Variants in SUGCT observed in about 807,000 individuals in gnomAD.
SUGCT encodes succinyl-CoA:glutarate-CoA transferase.
A neutral mutation model predicts 55.0 loss-of-function variants in SUGCT; 41 were observed. The observed-to-expected ratio is 0.74, with a 90% CI of 0.58 to 0.97. The LOEUF (loss-of-function observed/expected upper bound fraction) is 0.97. Ranked by LOEUF, SUGCT falls within the 50% of genes least tolerant of loss-of-function variation. The pLI, the probability that SUGCT is intolerant of heterozygous loss-of-function variation, is 0.00. For synonymous variants in SUGCT, 187 were observed against 200.4 expected, an observed-to-expected ratio of 0.93 and a Z score of 0.56; for missense variants, 568 against 547.8, an observed-to-expected ratio of 1.04 and a Z score of -0.37.
intron 13 of SUGCT, among the ~76,000 whole-genome samples, chr7:40,827,072 C>T (rs776884638): frequency 1.3e-5 from 2 of 151,966 alleles, no homozygotes; most frequent in African/African-American, 2.4e-5. Flanking sequence ...AACATCCTGA[C>T]GAATGAAAAG....
At chr7:40,473,214 T>A (rs1361188001) in intron 11 of SUGCT, among the ~76,000 whole-genome samples, 1 of 152,198 alleles carries the variant, frequency 6.6e-6, no homozygotes, top group Non-Finnish European at 1.5e-5. Context: ...TTTACTGTAT[T>A]GTTCAATAAA....
intron 6 of SUGCT, among the ~76,000 whole-genome samples, chr7:40,229,629 A>G (rs1788603071): frequency 6.6e-6 from 1 of 151,786 alleles, no homozygotes. Context: ...CCTGGCCAAC[A>G]TGGTGAAACC....
chr7:40,613,597 G>A (rs1798860600), intron 12 of SUGCT, among the ~76,000 whole-genome samples: 1 of 151,604 alleles, frequency 6.6e-6, no homozygotes, highest in Non-Finnish European at 1.5e-5. Context: ...TTCCTTCCCA[G>A]TCTTATCCTG....
the SUGCT span, among the ~76,000 whole-genome samples, chr7:40,881,467 C>T: frequency 1.3e-5 from 2 of 152,154 alleles, no homozygotes; most frequent in Non-Finnish European, 2.9e-5. Context: ...TCCCTTAAGA[C>T]TCAGGTACAT....
chr7:40,150,751 C>T (rs781679042), intron 1 of SUGCT, among the ~76,000 whole-genome samples: 18 of 152,152 alleles, frequency 1.2e-4, no homozygotes, highest in African/African-American at 2.9e-4. Flanking sequence ...AATAAAACTC[C>T]GGTCTTCCGC....
chr7:40,830,980 C>T (rs1288548425), intron 13 of SUGCT, among the ~76,000 whole-genome samples: 4 of 152,206 alleles, frequency 2.6e-5, no homozygotes, highest in Non-Finnish European at 5.9e-5. Context: ...ATCACATTTA[C>T]ACAATTTGAT....
At chr7:40,508,921 GTGCCCTGCTGTGGTGTTCAGCCTCCT>G (rs1792768468) in intron 12 of SUGCT, among the ~76,000 whole-genome samples, 1 of 151,764 alleles carries the variant, frequency 6.6e-6, no homozygotes, top group East Asian at 1.9e-4. Flanking sequence ...ATGTCTGACT[GTGCCCTGCTGTGGTGTTCAGCCTCCT>G]TGCCCTGACC....
the SUGCT span, among the ~76,000 whole-genome samples, chr7:40,947,679 C>G: frequency 6.6e-6 from 1 of 152,154 alleles, no homozygotes; most frequent in East Asian, 1.9e-4. Context: ...ATTTCCTGAA[C>G]TAATTAAATG....
At chr7:40,655,045 A>G (rs1016873130) in intron 12 of SUGCT, among the ~76,000 whole-genome samples, 1 of 152,178 alleles carries the variant, frequency 6.6e-6, no homozygotes, top group Non-Finnish European at 1.5e-5. Context: ...TATAGGCAAT[A>G]TCACTTTTGG....
At chr7:40,790,960 C>T (rs1790280627) in intron 13 of SUGCT, among the ~76,000 whole-genome samples, 1 of 152,130 alleles carries the variant, frequency 6.6e-6, no homozygotes, top group Non-Finnish European at 1.5e-5. Flanking sequence ...GAGATTTGTT[C>T]TTATTTGCTT....
chr7:40,185,852 A>G (rs911681937), intron 3 of SUGCT, among the ~76,000 whole-genome samples: 14 of 151,834 alleles, frequency 9.2e-5, no homozygotes, highest in South Asian at 8.3e-4. Context: ...AGTTACTATG[A>G]CTCCCTGTCT....
intron 13 of SUGCT, among the ~76,000 whole-genome samples, chr7:40,851,858 T>C (rs953923556): frequency 6.6e-6 from 1 of 152,212 alleles, no homozygotes; most frequent in African/African-American, 2.4e-5. Context: ...TAAAATGTTT[T>C]TGATGCAATG....
At chr7:40,992,141 A>G in the SUGCT span, among the ~76,000 whole-genome samples, 1 of 152,176 alleles carries the variant, frequency 6.6e-6, no homozygotes, top group Admixed American at 6.5e-5. Flanking sequence ...TATATGCTAA[A>G]CAAGGGATGG....
intron 6 of SUGCT, among the ~76,000 whole-genome samples, chr7:40,200,176 C>T (rs1208943106): frequency 6.6e-6 from 1 of 152,082 alleles, no homozygotes; most frequent in Non-Finnish European, 1.5e-5. Flanking sequence ...CCTTTCCTAC[C>T]CCCAAACAAC....
At chr7:40,274,397 G>A in intron 7 of SUGCT, 116 bp from the exon 8 acceptor site, 1 of 1,062,598 alleles carries the variant, frequency 9.4e-7, no homozygotes, top group Non-Finnish European at 1.4e-6. Context: ...GTGTGTATGT[G>A]TCTGCACAGT....
chr7:40,338,324 A>C (rs1056862046), intron 9 of SUGCT, among the ~76,000 whole-genome samples: 3 of 152,134 alleles, frequency 2.0e-5, no homozygotes, highest in African/African-American at 7.2e-5. Context: ...ATTCTCCTGG[A>C]TAATATCCTG....
At chr7:40,524,294 C>T (rs1793697948) in intron 12 of SUGCT, among the ~76,000 whole-genome samples, 1 of 152,080 alleles carries the variant, frequency 6.6e-6, no homozygotes, top group Non-Finnish European at 1.5e-5. Context: ...TGCTGGACAT[C>T]AGATTGTTGG....
At chr7:40,718,398 T>G (rs1786139890) in intron 12 of SUGCT, among the ~76,000 whole-genome samples, 1 of 152,212 alleles carries the variant, frequency 6.6e-6, no homozygotes, top group African/African-American at 2.4e-5. Flanking sequence ...GATACTTATT[T>G]GAGATTTGGT....
chr7:40,379,402 T>A (rs1021636617), intron 9 of SUGCT, among the ~76,000 whole-genome samples: 11 of 152,220 alleles, frequency 7.2e-5, no homozygotes, highest in African/African-American at 2.7e-4. Flanking sequence ...ACTTCTTATT[T>A]TTTTGAGGCC....
Sources: allele counts gnomAD v4.1 joint callset (sites outside exome capture counted in the v4.1 genomes callset), GRCh38; gene constraint gnomAD v4.1.1; transcripts MANE v1.5; gene names NCBI Gene and HGNC (gene_info 2026-07-23, HGNC 2026-07-21).